Variants in PIGF observed in about 807,000 individuals in gnomAD.
PIGF encodes the protein phosphatidylinositol glycan anchor biosynthesis class F.
PIGF carries 23 observed loss-of-function variants against 26.0 expected under a neutral mutation model. The observed-to-expected ratio is 0.88, with a 90% CI of 0.64 to 1.25. PIGF has a LOEUF of 1.25. Ranked by LOEUF, PIGF falls within the 50% of genes most tolerant of loss-of-function variation. PIGF has a pLI of 0.00. For synonymous variants in PIGF, 93 were observed against 92.6 expected (o/e 1.00, Z -0.03); for missense variants, 278 against 249.9 (o/e 1.11, Z -0.76).
At chr2:46,603,100 TC>T (rs1211527334) in intron 4 of PIGF, among the ~76,000 whole-genome samples, 1 of 151,858 alleles carries the variant, frequency 6.6e-6, no homozygotes, top group African/African-American at 2.4e-5. Flanking sequence ...AAAAAAGTAA[TC>T]CCATTTATAA....
chr2:46,585,340 GA>G (rs532555591), intron 5 of PIGF, among the ~76,000 whole-genome samples: 56 of 152,126 alleles, frequency 3.7e-4, no homozygotes, highest in Non-Finnish European at 3.8e-4. Context: ...CCAGTAAATA[GA>G]AGAAACAACC....
chr2:46,604,053 G>T (rs994347777), intron 4 of PIGF, among the ~76,000 whole-genome samples: 10 of 151,964 alleles, frequency 6.6e-5, no homozygotes, highest in Non-Finnish European at 1.5e-5. Flanking sequence ...ATGGGCAAAA[G>T]ATCTGAATAG....
intron 5 of PIGF, chr2:46,591,390 T>G (rs1330959841): frequency 3.2e-6 from 1 of 315,360 alleles, no homozygotes; most frequent in Non-Finnish European, 4.6e-6. Flanking sequence ...AATTTTTACT[T>G]TCTTCCTTAG....
intron 4 of PIGF, among the ~76,000 whole-genome samples, chr2:46,600,504 G>T (rs1265279404): frequency 2.0e-5 from 3 of 152,128 alleles, no homozygotes; most frequent in African/African-American, 7.2e-5. Flanking sequence ...TACTTGTAAT[G>T]ATGATTAATT....
rs781594998 is a variant in PIGF, at chr2:46,581,452, C to A, written c.*26G>T. 5 of 1,604,588 alleles carry A rather than the reference C, an allele frequency of 3.1e-6. No homozygotes were observed. In the South Asian group the frequency reaches 4.4e-5, roughly 14 times the overall value. Reference sequence around the variant, plus strand: ...CTGCCCAGCCCTTACAGAATCTGCACAAAGAAATATCTCCCTTTGCTCCAG... The same window carrying A: ...CTGCCCAGCCCTTACAGAATCTGCAAAAAGAAATATCTCCCTTTGCTCCAG... On this transcript the variant is annotated 3_prime_UTR_variant, in exon 6 of 6. Coordinates refer to ENST00000281382, the MANE Select transcript of PIGF (RefSeq NM_002643.4).
At chr2:46,614,904 T>A (rs1251569563) in intron 2 of PIGF, 33 bp downstream of exon 2, 2 of 982,854 alleles carry the variant, frequency 2.0e-6, no homozygotes, top group Admixed American at 3.6e-5. Flanking sequence ...ACTAGCTCCA[T>A]CCAAAAATCA....
Position 46,617,031 on chromosome 2 carries a change from G to GGGCGGCCCAGGCCCACGCGCA in PIGF, c.-84_-83insTGCGCGTGGGCCTGGGCCGCC, listed in dbSNP as rs1558715598. The GGGCGGCCCAGGCCCACGCGCA allele has an allele frequency of 5.1e-6, 3 of 587,796 alleles. No individual in the cohort carries two copies. The highest frequency in any genetic ancestry group is 9.1e-6 in the Non-Finnish European group (3 of 330,762). The allele number at this position is 587,796 out of a possible 1,614,324, so 36.4% of individuals were successfully genotyped here. ...ACTGCCTCCTACCATCAGGTACGAC[G>GGGCGGCCCAGGCCCACGCGCA]GGCGGCCCAGGCCCACGCGCAGGCG... On this transcript the variant is annotated 5_prime_UTR_variant, in exon 1 of 6. Transcript: ENST00000281382.
At chr2:46,598,941 C>T (rs936348190) in intron 4 of PIGF, among the ~76,000 whole-genome samples, 16 of 152,120 alleles carry the variant, frequency 1.1e-4, no homozygotes, top group Non-Finnish European at 1.8e-4. Context: ...GAACTAGGGA[C>T]GGGGTAGGAA....
chr2:46,593,183 A>T (rs1352713403), intron 4 of PIGF, among the ~76,000 whole-genome samples: 1 of 139,002 alleles, frequency 7.2e-6, no homozygotes, highest in Admixed American at 7.9e-5. Flanking sequence ...TCCAGGCTGG[A>T]GTGCAATGGA....
chr2:46,612,944 T>C (rs1263202055), intron 3 of PIGF, among the ~76,000 whole-genome samples: 1 of 152,074 alleles, frequency 6.6e-6, no homozygotes, highest in Non-Finnish European at 1.5e-5. Flanking sequence ...TAAAATGGAT[T>C]AGACAGGAAC....
intron 5 of PIGF, among the ~76,000 whole-genome samples, chr2:46,586,065 C>T (rs756922574): frequency 1.3e-5 from 2 of 152,158 alleles, no homozygotes; most frequent in South Asian, 2.1e-4. Context: ...TGAGCCACCG[C>T]GCCCAGCCAT....
rs750034917 is a variant in PIGF, at chr2:46,588,171, T to A, written c.546+4304A>T. 1 of 1,612,428 alleles carries A rather than the reference T, an allele frequency of 6.2e-7. No homozygotes were observed. The highest frequency in any genetic ancestry group is 1.1e-5 in the South Asian group (1 of 90,906). ...ATCTATAAGTGCTACGTTTTCTTTCTACTGTCATCTGAAATGTCAGACAGG... is the reference window on the plus strand; with the variant it reads ...ATCTATAAGTGCTACGTTTTCTTTCAACTGTCATCTGAAATGTCAGACAGG... On this transcript the variant is annotated intron_variant, in intron 5 of 5. Transcript: ENST00000281382. This position sits in a 1 kb window ranked among gnomAD's most constrained non-coding sequence, Gnocchi z 4.1.
rs966561531 is a variant in PIGF at position 46,588,438 on chromosome 2, G to A, written c.546+4037C>T. ...TGTCTTTTCTAGGTCACAAATGCCT[G>A]TAACATTAATTAAGTAATAACCATG... On this transcript the variant is annotated intron_variant, in intron 5 of 5. Coordinates refer to ENST00000281382, the MANE Select transcript of PIGF (RefSeq NM_002643.4). The surrounding 1 kb of genome is among the most constrained non-coding windows in gnomAD (Gnocchi z 4.1). The A allele has an allele frequency of 5.4e-5, 18 of 336,222 alleles. No individual in the cohort carries two copies. Among genetic ancestry groups the A allele is most frequent in the Non-Finnish European group, 8.7e-5 (16 of 182,932 alleles). The allele number at this position is 336,222 out of a possible 1,614,324, so 20.8% of individuals were successfully genotyped here. A position where few individuals can be genotyped will look rare whatever the true frequency, so the allele number is the denominator to read the frequency against.
At chr2:46,587,133 C>T (rs1049021088) in intron 5 of PIGF, among the ~76,000 whole-genome samples, 1 of 152,204 alleles carries the variant, frequency 6.6e-6, no homozygotes, top group African/African-American at 2.4e-5. Flanking sequence ...TCAATGTTAA[C>T]ACATTTTTCT....
At position 46,612,632 on chromosome 2, in the gene PIGF, T is replaced by A. The variant is rs1251657251; in HGVS notation, c.321-288A>T. Among the ~76,000 whole-genome samples the A allele has an allele frequency of 2.7e-5, 4 of 150,798 alleles. No individual in the cohort carries two copies. In the Admixed American group the frequency reaches 2.7e-4, roughly 10 times the overall value. On this transcript the variant is annotated intron_variant, in intron 3 of 5. Transcript: ENST00000281382. Reference sequence around the variant, plus strand: ...ACACAAACAAACAAACAAAATCCATTTCTAGATAGTTAGCTTTCTGCTCAA... The same window carrying A: ...ACACAAACAAACAAACAAAATCCATATCTAGATAGTTAGCTTTCTGCTCAA...
intron 4 of PIGF, among the ~76,000 whole-genome samples, chr2:46,601,989 G>A (rs922680815): frequency 6.6e-6 from 1 of 151,764 alleles, no homozygotes; most frequent in African/African-American, 2.4e-5. Context: ...CTATATGGGT[G>A]TATAGTAGTC....
intron 4 of PIGF, among the ~76,000 whole-genome samples, chr2:46,610,610 A>G (rs1165824091): frequency 2.0e-5 from 3 of 147,098 alleles, no homozygotes; most frequent in Admixed American, 6.9e-5. Context: ...GCTCACTGCA[A>G]CCTCCGCCTC....
intron 4 of PIGF, among the ~76,000 whole-genome samples, chr2:46,610,826 G>A (rs768266024): frequency 2.6e-5 from 4 of 152,024 alleles, no homozygotes; most frequent in Admixed American, 6.6e-5. Context: ...CACCACACTC[G>A]TCCCAAACAG....
intron 5 of PIGF, among the ~76,000 whole-genome samples, chr2:46,587,160 A>C (rs866999022): frequency 3.3e-5 from 5 of 152,222 alleles, no homozygotes; most frequent in African/African-American, 1.2e-4. Flanking sequence ...TGAAACATAC[A>C]AACCATATTC....
Sources: allele counts gnomAD v4.1 joint callset (sites outside exome capture counted in the v4.1 genomes callset), GRCh38; gene constraint gnomAD v4.1.1; non-coding constraint Gnocchi (gnomAD v3.1); transcripts MANE v1.5; gene names NCBI Gene and HGNC (gene_info 2026-07-23, HGNC 2026-07-21).